BMPER: variants seen among roughly 807,000 people sequenced by gnomAD.
BMPER encodes BMP-binding endothelial regulator protein.
Under a neutral mutation model 87.3 loss-of-function variants are expected in BMPER, and 45 were observed. The ratio of observed to expected loss-of-function variants is 0.52; its 90% CI spans 0.41 to 0.66. BMPER has a LOEUF of 0.66. Among genes scored for constraint, BMPER ranks in the 30% least tolerant of loss-of-function variants. The pLI is 0.00. For synonymous variants in BMPER, 326 were observed against 316.2 expected (o/e 1.03, Z -0.33); for missense variants, 784 against 867.5 (o/e 0.90, Z 1.21).
At chr7:33,954,413 T>G (rs1431573943) in intron 3 of BMPER, among the ~76,000 whole-genome samples, 1 of 152,208 alleles carries the variant, frequency 6.6e-6, no homozygotes, top group Non-Finnish European at 1.5e-5. Flanking sequence ...TGTGATGTGC[T>G]GAAGTGGTTA....
Position 34,079,094 on chromosome 7 carries a change from G to T in BMPER, c.1316G>T (p.Arg439Leu). 1 of 1,613,944 alleles carries T rather than the reference G, an allele frequency of 6.2e-7. No homozygotes were observed. The highest frequency in any genetic ancestry group is 2.2e-5 in the East Asian group (1 of 44,872). ...AGCCTGCAGCAGCACCTCACCGTGCGCTGGAACGGCTCGCGCATCGCGCTC... is the reference window on the plus strand; with the variant it reads ...AGCCTGCAGCAGCACCTCACCGTGCTCTGGAACGGCTCGCGCATCGCGCTC... ...RVSLQQHLTV[R>L]WNGSRIALPC... The change falls in exon 12 of 15, where the codon CGC becomes CTC. Residue 439 changes from arginine (R) to leucine (L), a missense_variant. Transcript: ENST00000649409.
chr7:33,977,600 A>G (rs1296427440), intron 6 of BMPER, among the ~76,000 whole-genome samples: 1 of 152,204 alleles, frequency 6.6e-6, no homozygotes. Flanking sequence ...CCCTGTACAA[A>G]TGAAGACTGC....
chr7:34,036,829 G>A (rs1787685484), intron 6 of BMPER, among the ~76,000 whole-genome samples: 1 of 152,110 alleles, frequency 6.6e-6, no homozygotes, highest in Admixed American at 6.5e-5. Flanking sequence ...GTCTGCCTGA[G>A]TGGAAAGCCT....
intron 6 of BMPER, among the ~76,000 whole-genome samples, chr7:34,013,365 A>G (rs1014999846): frequency 7.9e-5 from 12 of 151,478 alleles, no homozygotes; most frequent in Non-Finnish European, 1.6e-4. Flanking sequence ...CAACTCTACT[A>G]CTTCCATCCT....
At chr7:34,031,907 TATATATATATATATATATATACACACAC>T (rs1385869277) in intron 6 of BMPER, among the ~76,000 whole-genome samples, 80 of 124,608 alleles carry the variant, frequency 6.4e-4, no homozygotes, top group African/African-American at 2.3e-3. Flanking sequence ...TATATATATA[TATATATATATATATATATATACACACAC>T]ACACACACAT....
intron 6 of BMPER, among the ~76,000 whole-genome samples, chr7:34,031,943 C>T (rs1030034): frequency 0.2 from 23,079 of 116,344 alleles, 2,564 homozygotes; most frequent in Middle Eastern, 0.26. Flanking sequence ...CACACACACA[C>T]ATATATATAC....
intron 6 of BMPER, among the ~76,000 whole-genome samples, chr7:34,031,925 T>TAC (rs1486997181): frequency 1.7e-3 from 165 of 96,028 alleles, no homozygotes; most frequent in Admixed American, 2.3e-3. Flanking sequence ...TATATATATA[T>TAC]ATACACACAC....
chr7:33,996,779 C>G (rs1201437865), intron 6 of BMPER, among the ~76,000 whole-genome samples: 2 of 152,030 alleles, frequency 1.3e-5, no homozygotes, highest in African/African-American at 4.8e-5. Flanking sequence ...CATAATACAC[C>G]ATCCCTAACC....
chr7:34,042,725 T>C (rs1475650550), intron 6 of BMPER: 1 of 152,210 alleles, frequency 6.6e-6, no homozygotes. Flanking sequence ...TTTCATTCAC[T>C]AATTTTTTAT....
chr7:34,073,060 G>A (rs934654848), intron 11 of BMPER, among the ~76,000 whole-genome samples: 6 of 152,040 alleles, frequency 3.9e-5, no homozygotes, highest in Admixed American at 2.0e-4. Flanking sequence ...TCATTACACT[G>A]AACTATTTTA....
chr7:34,092,418 C>T (rs1389266113), intron 13 of BMPER, among the ~76,000 whole-genome samples: 3 of 152,178 alleles, frequency 2.0e-5, no homozygotes, highest in African/African-American at 7.2e-5. Context: ...ATGTTTCTGC[C>T]CTGACTCTCT....
intron 6 of BMPER, among the ~76,000 whole-genome samples, chr7:34,016,404 T>C (rs1787028137): frequency 6.6e-6 from 1 of 151,966 alleles, no homozygotes. Context: ...GCCTGAAAAC[T>C]TTCTAAAGCA....
At chr7:34,069,705 C>T (rs1788689173) in intron 11 of BMPER, among the ~76,000 whole-genome samples, 1 of 152,108 alleles carries the variant, frequency 6.6e-6, no homozygotes, top group Admixed American at 6.5e-5. Flanking sequence ...TTATACATGA[C>T]TAGTGGCTTC....
intron 6 of BMPER, among the ~76,000 whole-genome samples, chr7:34,015,933 T>C (rs1787013398): frequency 6.6e-6 from 1 of 151,710 alleles, no homozygotes; most frequent in Non-Finnish European, 1.5e-5. Context: ...GTGACTTTGG[T>C]GCTTCATTCA....
At chr7:33,955,868 A>G (rs188939426) in intron 3 of BMPER, among the ~76,000 whole-genome samples, 350 of 152,318 alleles carry the variant, frequency 2.3e-3, no homozygotes, top group Middle Eastern at 0.017. Context: ...AGAAGGATGG[A>G]CACACAGATC....
At chr7:34,088,705 C>T (rs369230930) in intron 13 of BMPER, among the ~76,000 whole-genome samples, 1 of 152,276 alleles carries the variant, frequency 6.6e-6, no homozygotes, top group African/African-American at 2.4e-5. Context: ...GTGGAGGGTA[C>T]AGCGCTGGCA....
At chr7:33,973,915 T>C (rs1228561926) in intron 5 of BMPER, among the ~76,000 whole-genome samples, 1 of 152,184 alleles carries the variant, frequency 6.6e-6, no homozygotes, top group Non-Finnish European at 1.5e-5. Flanking sequence ...AATCTGGCAG[T>C]GTCCTGGGCA....
At chr7:34,085,647 C>T in intron 12 of BMPER, 109 bp from the exon 13 acceptor site, 1 of 1,070,148 alleles carries the variant, frequency 9.3e-7, no homozygotes, top group Non-Finnish European at 1.4e-6. Flanking sequence ...CCTTGGTGCT[C>T]CTTATTGGAG....
At chr7:34,148,681 T>G (rs1481316671) in intron 14 of BMPER, among the ~76,000 whole-genome samples, 1 of 152,138 alleles carries the variant, frequency 6.6e-6, no homozygotes, top group Non-Finnish European at 1.5e-5. Flanking sequence ...GACATACCAG[T>G]CCTTAATAGT....
Sources: gnomAD v4.1 joint callset for allele counts (sites outside exome capture counted in the v4.1 genomes callset) on GRCh38, gnomAD v4.1.1 for gene constraint, MANE v1.5 for transcripts, NCBI Gene and HGNC (gene_info 2026-07-23, HGNC 2026-07-21) for gene names.